SOBP: variants seen among roughly 807,000 people sequenced by gnomAD.
SOBP encodes sine oculis binding protein homolog, also known as sine oculis-binding protein homolog.
A neutral mutation model predicts 53.6 loss-of-function variants in SOBP; 4 were observed. The ratio of observed to expected loss-of-function variants is 0.07; its 90% CI spans 0.04 to 0.17. The LOEUF is 0.17. SOBP is among the 10% of genes least tolerant of loss of function. The pLI, the probability that SOBP is intolerant of heterozygous loss-of-function variation, is 1.00. For synonymous variants in SOBP, 584 were observed against 522.6 expected, an observed-to-expected ratio of 1.12 and a Z score of -1.60; for missense variants, 1,088 against 1,204.7, an observed-to-expected ratio of 0.90 and a Z score of 1.43.
At chr6:107,578,540 T>C (rs1417077939) in intron 4 of SOBP, among the ~76,000 whole-genome samples, 1 of 152,200 alleles carries the variant, frequency 6.6e-6, no homozygotes, top group Non-Finnish European at 1.5e-5. Context: ...AACTCCATAA[T>C]GTCTCTGTGC....
chr6:107,520,226 G>A (rs148138531), intron 3 of SOBP, among the ~76,000 whole-genome samples: 16 of 152,288 alleles, frequency 1.1e-4, no homozygotes, highest in African/African-American at 3.4e-4. Context: ...TCAGGGGTTC[G>A]AGTAAAAGAG....
chr6:107,612,088 G>A (rs1012692517), intron 5 of SOBP, among the ~76,000 whole-genome samples: 41 of 152,290 alleles, frequency 2.7e-4, no homozygotes, highest in African/African-American at 9.9e-4. Flanking sequence ...TTAGCATAGT[G>A]AGATTGGACA....
intron 3 of SOBP, among the ~76,000 whole-genome samples, chr6:107,518,765 T>TTC (rs1554290335): frequency 1.4e-3 from 204 of 147,194 alleles, no homozygotes; most frequent in Middle Eastern, 3.6e-3. Flanking sequence ...TTTTTTTTTT[T>TTC]CTCAAAAAGA....
At chr6:107,510,687 T>G (rs1783145121) in intron 3 of SOBP, 1 of 152,204 alleles carries the variant, frequency 6.6e-6, no homozygotes, top group African/African-American at 2.4e-5. Flanking sequence ...CTAAAACTTT[T>G]ACCAGAGTTG....
chr6:107,583,667 A>G (rs557647581), intron 4 of SOBP, among the ~76,000 whole-genome samples: 37 of 152,248 alleles, frequency 2.4e-4, no homozygotes, highest in African/African-American at 8.9e-4. Context: ...CTAGGACTAC[A>G]GGTGCATGCC....
chr6:107,507,776 C>G (rs988551585), intron 3 of SOBP, among the ~76,000 whole-genome samples: 32 of 152,198 alleles, frequency 2.1e-4, no homozygotes, highest in Non-Finnish European at 7.4e-5. Flanking sequence ...CTGGAAAGCT[C>G]TCTTTGAGAG....
In SOBP at chr6:107,560,745, G is replaced by A. The variant is rs991257385; in HGVS notation, c.574-26335G>A. Among the ~76,000 whole-genome samples, 6 of 152,234 alleles carry A rather than the reference G, an allele frequency of 3.9e-5. No individual in the cohort carries two copies. The South Asian group carries it at 6.2e-4, about 16-fold the overall frequency. ...TCAATCAGACAGCCCAGGAGTGACCGGGCTGGGAATGGACTCAAGTCTTTT... is the reference window on the plus strand; with the variant it reads ...TCAATCAGACAGCCCAGGAGTGACCAGGCTGGGAATGGACTCAAGTCTTTT... On this transcript the variant is annotated intron_variant, in intron 4 of 6. Coordinates refer to ENST00000317357, the MANE Select transcript of SOBP (RefSeq NM_018013.4).
Position 107,661,026 on chromosome 6 carries a change from G to A in SOBP, c.*2823G>A, listed in dbSNP as rs114860274. Among the ~76,000 whole-genome samples the A allele has an allele frequency of 1.9e-3, 292 of 152,290 alleles. 1 individual carries two copies. Among genetic ancestry groups the A allele is most frequent in the African/African-American group, 6.6e-3 (273 of 41,556 alleles). ...GGACGTGCCAGCGGCCGAGGCACCC[G>A]GCTGTGGTTGTCCTGATAGCATTAT... is the stretch of plus-strand genomic sequence containing the variant. On this transcript the variant is annotated 3_prime_UTR_variant, in exon 7 of 7. Transcript: ENST00000317357.
intron 4 of SOBP, among the ~76,000 whole-genome samples, chr6:107,543,082 G>A (rs1185119434): frequency 6.6e-6 from 1 of 152,160 alleles, no homozygotes; most frequent in Non-Finnish European, 1.5e-5. Flanking sequence ...GGTATAGTCT[G>A]GTGATTACTT....
intron 4 of SOBP, among the ~76,000 whole-genome samples, chr6:107,555,908 A>G (rs1473149401): frequency 6.6e-6 from 1 of 152,212 alleles, no homozygotes; most frequent in East Asian, 1.9e-4. Context: ...TTGTTTTGGA[A>G]GATATTCCTC....
At chr6:107,592,179 C>T (rs991580968) in intron 5 of SOBP, among the ~76,000 whole-genome samples, 1 of 152,060 alleles carries the variant, frequency 6.6e-6, no homozygotes, top group Admixed American at 6.5e-5. Flanking sequence ...TTTAAAAGCC[C>T]TTAAAGTGAA....
At chr6:107,593,731 G>A (rs927608833) in intron 5 of SOBP, among the ~76,000 whole-genome samples, 1 of 152,190 alleles carries the variant, frequency 6.6e-6, no homozygotes, top group African/African-American at 2.4e-5. Flanking sequence ...ACAACCAGTA[G>A]TCTTATTACT....
intron 4 of SOBP, among the ~76,000 whole-genome samples, chr6:107,549,222 G>T (rs971135145): frequency 6.6e-6 from 1 of 151,846 alleles, no homozygotes; most frequent in Non-Finnish European, 1.5e-5. Flanking sequence ...AGCCAAGATC[G>T]CACCACAGCA....
chr6:107,645,159 G>T (rs1038558205), intron 6 of SOBP, among the ~76,000 whole-genome samples: 1 of 152,114 alleles, frequency 6.6e-6, no homozygotes, highest in African/African-American at 2.4e-5. Flanking sequence ...GTGTGTGTGT[G>T]TGCATGTGTG....
rs191803725 is a variant in SOBP at position 107,636,193 on chromosome 6, C to T, written c.*3+724C>T. The T allele has an allele frequency of 3.8e-5, 6 of 157,612 alleles. No homozygotes were observed. The East Asian group carries it at 7.4e-4, about 19-fold the overall frequency. The allele number at this position is 157,612 out of a possible 1,614,324, so 9.8% of individuals were successfully genotyped here. A position where few individuals can be genotyped will look rare whatever the true frequency, so the allele number is the denominator to read the frequency against. ...GCTCTCTCCCCCTTTTGGGGCCCAG[C>T]GGCTTAGCTGATGAGTTGCTCACCT... On this transcript the variant is annotated intron_variant, in intron 6 of 6. Coordinates refer to ENST00000317357, the MANE Select transcript of SOBP (RefSeq NM_018013.4).
At chr6:107,521,909 A>AAC (rs34004579) in intron 3 of SOBP, among the ~76,000 whole-genome samples, 6,985 of 139,108 alleles carry the variant, frequency 0.05, 254 homozygotes, top group African/African-American at 0.099. Flanking sequence ...CAGACATTAA[A>AAC]ACACACACAC....
At chr6:107,510,960 G>A (rs1460539683) in intron 3 of SOBP, among the ~76,000 whole-genome samples, 1 of 152,152 alleles carries the variant, frequency 6.6e-6, no homozygotes, top group Non-Finnish European at 1.5e-5. Flanking sequence ...AACTGGCTAT[G>A]TGAAAATGCT....
At chr6:107,615,954 C>G (rs1393236767) in intron 5 of SOBP, among the ~76,000 whole-genome samples, 1 of 150,548 alleles carries the variant, frequency 6.6e-6, no homozygotes, top group African/African-American at 2.4e-5. Context: ...CCCAGGAGAT[C>G]AAGGCTGCAG....
At chr6:107,532,677 G>A (rs1269827651) in intron 3 of SOBP, among the ~76,000 whole-genome samples, 1 of 152,162 alleles carries the variant, frequency 6.6e-6, no homozygotes, top group Non-Finnish European at 1.5e-5. Context: ...CCCATGACAT[G>A]ACATGAGGGG....
Sources: gnomAD v4.1 joint callset for allele counts (sites outside exome capture counted in the v4.1 genomes callset) on GRCh38, gnomAD v4.1.1 for gene constraint, MANE v1.5 for transcripts, NCBI Gene and HGNC (gene_info 2026-07-23, HGNC 2026-07-21) for gene names.